MALRD1: variants seen among roughly 807,000 people sequenced by gnomAD.
MALRD1 encodes the protein MAM and LDL-receptor class A domain-containing protein 1.
Under a neutral mutation model 242.1 loss-of-function variants are expected in MALRD1, and 247 were observed. The observed-to-expected ratio is 1.02, with a 90% CI of 0.92 to 1.13. MALRD1 has a LOEUF of 1.13. MALRD1 is among the 50% of genes most tolerant of loss of function. The pLI is 0.00. For missense variants in MALRD1, 2,989 were observed against 2,533.1 expected (o/e 1.18, Z -3.86); for synonymous variants, 995 against 866.6 (o/e 1.15, Z -2.60).
At chr10:19,641,376 A>G (rs1166969030) in intron 36 of MALRD1, among the ~76,000 whole-genome samples, 1 of 152,228 alleles carries the variant, frequency 6.6e-6, no homozygotes, top group Non-Finnish European at 1.5e-5. Flanking sequence ...GCAAAAGAAA[A>G]GAATGCACTC....
In MALRD1 at chr10:19,301,430, G is replaced by A. The variant is rs145821299; in HGVS notation, c.3419+18249G>A. Among the ~76,000 whole-genome samples the A allele has an allele frequency of 2.4e-4, 37 of 151,708 alleles. 1 individual carries two copies. In the South Asian group the frequency reaches 6.0e-3, roughly 25 times the overall value. On this transcript the variant is annotated intron_variant, in intron 21 of 39. Coordinates refer to ENST00000454679, the MANE Select transcript of MALRD1 (RefSeq NM_001142308.3). The stretch of plus-strand genomic sequence containing the variant: ...GCACTACATGTGTGTTCATGGCAGC[G>A]CTGTTCACAATAACAAAGACATGGA...
chr10:19,700,288 C>T (rs1308256594), intron 38 of MALRD1, among the ~76,000 whole-genome samples: 3 of 152,166 alleles, frequency 2.0e-5, no homozygotes, highest in Non-Finnish European at 4.4e-5. Context: ...AGAACATAAC[C>T]TTCCCCCTTT....
At chr10:19,502,022 AAAAGAAAAG>A (rs1235296029) in intron 31 of MALRD1, among the ~76,000 whole-genome samples, 1 of 109,174 alleles carries the variant, frequency 9.2e-6, no homozygotes, top group Non-Finnish European at 1.8e-5. Context: ...CAAAAAAAAA[AAAAGAAAAG>A]AAAAGAAAAG....
intron 36 of MALRD1, among the ~76,000 whole-genome samples, chr10:19,676,771 C>T (rs1842154304): frequency 6.6e-6 from 1 of 152,158 alleles, no homozygotes; most frequent in Non-Finnish European, 1.5e-5. Flanking sequence ...ATCAACCCAT[C>T]ACCTGCGTAT....
intron 31 of MALRD1, among the ~76,000 whole-genome samples, chr10:19,505,119 T>G (rs554389884): frequency 5.3e-5 from 8 of 150,502 alleles, no homozygotes; most frequent in Admixed American, 1.3e-4. Flanking sequence ...GAGGGAGAGG[T>G]AGAGTAGGAG....
At chr10:19,681,651 G>C (rs974903913) in intron 36 of MALRD1, among the ~76,000 whole-genome samples, 1 of 147,394 alleles carries the variant, frequency 6.8e-6, no homozygotes, top group African/African-American at 2.5e-5. Flanking sequence ...TTCTGAAACC[G>C]ACTTCTGTCA....
At chr10:19,526,605 C>A (rs190025148) in intron 31 of MALRD1, among the ~76,000 whole-genome samples, 68 of 152,032 alleles carry the variant, frequency 4.5e-4, no homozygotes, top group African/African-American at 1.5e-3. Context: ...TTTTGTAAGA[C>A]CAAAATTGAG....
At chr10:19,633,010 T>C (rs1013000744) in intron 36 of MALRD1, among the ~76,000 whole-genome samples, 18 of 152,112 alleles carry the variant, frequency 1.2e-4, no homozygotes, top group African/African-American at 4.3e-4. Context: ...GGCAGGTGGA[T>C]CACTTGAGGT....
intron 24 of MALRD1, among the ~76,000 whole-genome samples, chr10:19,339,902 T>C (rs1174672654): frequency 6.6e-6 from 1 of 152,102 alleles, no homozygotes; most frequent in East Asian, 1.9e-4. Context: ...TCAGGAAACT[T>C]ACAATCACAG....
chr10:19,456,133 C>G (rs56206225), intron 29 of MALRD1, among the ~76,000 whole-genome samples: 8,537 of 152,054 alleles, frequency 0.056, 772 homozygotes, highest in African/African-American at 0.2. Flanking sequence ...AGAATGTTTC[C>G]AGAATCTTTT....
In MALRD1 at chr10:19,352,273, G is replaced by T; in HGVS notation, c.4417G>T (p.Glu1473Ter). The T allele has an allele frequency of 6.5e-7, 1 of 1,549,444 alleles. No individual in the cohort carries two copies. The highest frequency in any genetic ancestry group is 1.2e-5 in the South Asian group (1 of 84,010). ...CLSLHDSVQEELAVPLPTGFC... is the reference protein window; with the variant it reads ...CLSLHDSVQE ...ATCACTCCATGATTCCGTGCAAGAA[G>T]AACTGGCAGTGCCTCTTCCAACAGG... Residue 1473 changes from glutamate to a stop codon, truncating the protein, a stop_gained, in exon 26 of 40, where the codon GAA becomes TAA. Transcript: ENST00000454679. LOFTEE classifies it high-confidence loss of function.
intron 15 of MALRD1, 42 bp downstream of exon 15, chr10:19,203,922 G>A (rs1836664462): frequency 3.2e-6 from 5 of 1,547,554 alleles, no homozygotes; most frequent in South Asian, 1.2e-5. Flanking sequence ...GCTATTTACT[G>A]TTTAGTTAGA....
intron 4 of MALRD1, among the ~76,000 whole-genome samples, chr10:19,100,307 G>A (rs901085243): frequency 2.0e-5 from 3 of 152,020 alleles, no homozygotes; most frequent in African/African-American, 4.8e-5. Context: ...AAATGGCAGC[G>A]AATTTTCAAA....
At chr10:19,411,035 A>T (rs1318947838) in intron 28 of MALRD1, among the ~76,000 whole-genome samples, 3 of 152,164 alleles carry the variant, frequency 2.0e-5, no homozygotes, top group Admixed American at 1.3e-4. Flanking sequence ...CAAATGCAGG[A>T]TTATTATAAT....
chr10:19,123,449 T>C, intron 5 of MALRD1, 43 bp from the exon 6 acceptor site: 2 of 1,115,162 alleles, frequency 1.8e-6, no homozygotes, highest in Non-Finnish European at 2.3e-6. Flanking sequence ...GTCTTTCCAG[T>C]TGCACCTGCA....
chr10:19,717,881 G>A (rs561437120), intron 38 of MALRD1, among the ~76,000 whole-genome samples: 5 of 152,136 alleles, frequency 3.3e-5, no homozygotes, highest in African/African-American at 1.2e-4. Context: ...GTCAGGCATG[G>A]TGGTGCACAC....
chr10:19,539,895 TGTGCGCGC>T (rs1834876124), intron 32 of MALRD1, among the ~76,000 whole-genome samples: 1 of 60,562 alleles, frequency 1.7e-5, no homozygotes, highest in Non-Finnish European at 3.6e-5. Flanking sequence ...TGTGTGTGTG[TGTGCGCGC>T]GCGCGTGCGC....
At chr10:19,615,812 A>G in intron 35 of MALRD1, 45 bp from the exon 36 acceptor site, 1 of 1,329,350 alleles carries the variant, frequency 7.5e-7, no homozygotes, top group Non-Finnish European at 1.0e-6. Flanking sequence ...CTTCCTCCTA[A>G]TACTATTTAT....
chr10:19,075,570 A>G (rs888510247), intron 2 of MALRD1, among the ~76,000 whole-genome samples: 4 of 152,052 alleles, frequency 2.6e-5, no homozygotes, highest in Non-Finnish European at 5.9e-5. Context: ...GCCAGCAAAG[A>G]CGCAGGGATC....
Sources: gnomAD v4.1 joint callset for allele counts (sites outside exome capture counted in the v4.1 genomes callset) on GRCh38, gnomAD v4.1.1 for gene constraint, MANE v1.5 for transcripts, NCBI Gene and HGNC (gene_info 2026-07-23, HGNC 2026-07-21) for gene names.